Variants in SDR42E2 observed in about 807,000 individuals in gnomAD.
The protein encoded by SDR42E2 is putative short-chain dehydrogenase/reductase family 42E member 2.
Under a neutral mutation model 10.5 loss-of-function variants are expected in SDR42E2, and 20 were observed. That is an observed-to-expected ratio of 1.90 (90% CI 1.34 to 2.77). The LOEUF is 2.77. SDR42E2 is among the 30% of genes most tolerant of loss of function. SDR42E2 has a pLI of 0.00. For missense variants in SDR42E2, 162 were observed against 104.2 expected (o/e 1.55, Z -2.42); for synonymous variants, 72 against 39.2 (o/e 1.84, Z -3.12).
Position 22,191,301 on chromosome 16 carries a change from C to G in SDR42E2, c.*908C>G, listed in dbSNP as rs1012299603. ...GTCTGTCCTTGCTCCTGCCTCTGGA[C>G]CCGGTCCCGCCCTTCTCGCGTGTAA... On this transcript the variant is annotated 3_prime_UTR_variant, in exon 13 of 13. Coordinates refer to ENST00000602312, the MANE Select transcript of SDR42E2 (RefSeq NM_001394319.2). The G allele has an allele frequency of 6.6e-6, 1 of 151,798 alleles. No homozygotes were observed. The highest frequency in any genetic ancestry group is 2.0e-4 in the East Asian group (1 of 5,098). 9.4% of individuals were successfully genotyped at this position (151,798 alleles called of 1,614,324 possible).
At chr16:22,188,352 T>C (rs1159124775) in intron 12 of SDR42E2, among the ~76,000 whole-genome samples, 1 of 152,150 alleles carries the variant, frequency 6.6e-6, no homozygotes, top group East Asian at 1.9e-4. Context: ...GGCTTCTCCT[T>C]TGAGCCATCC....
In SDR42E2 at chr16:22,191,470, G is replaced by C. The variant is rs1412544470; in HGVS notation, c.*1077G>C. 2 of 152,308 alleles carry C rather than the reference G, an allele frequency of 1.3e-5. No individual in the cohort carries two copies. The highest frequency in any genetic ancestry group is 3.9e-4 in the East Asian group (2 of 5,184). The allele number at this position is 152,308 out of a possible 1,614,324, so 9.4% of individuals were successfully genotyped here. A position where few individuals can be genotyped will look rare whatever the true frequency, so the allele number is the denominator to read the frequency against. Reference sequence around the variant, plus strand: ...GACGTTGGTATGAGTTTGCGCCGTCGGCTGCTGCTCTGTCTGGTAACATTG... The same window carrying C: ...GACGTTGGTATGAGTTTGCGCCGTCCGCTGCTGCTCTGTCTGGTAACATTG... On this transcript the variant is annotated 3_prime_UTR_variant, in exon 13 of 13. Coordinates refer to ENST00000602312, the MANE Select transcript of SDR42E2 (RefSeq NM_001394319.2).
intron 8 of SDR42E2, among the ~76,000 whole-genome samples, chr16:22,181,166 T>A (rs77100980): frequency 0.018 from 2,745 of 152,080 alleles, 86 homozygotes; most frequent in African/African-American, 0.062. Flanking sequence ...CTGGACAGAT[T>A]TTAACAGTTG....
intron 7 of SDR42E2, 92 bp downstream of exon 7, chr16:22,172,423 G>A (rs1023614198): frequency 1.0e-5 from 7 of 694,322 alleles, no homozygotes; most frequent in Admixed American, 6.0e-5. Context: ...ACATGTGTCT[G>A]AGGCCCACCT....
Position 22,189,799 on chromosome 16 carries a change from C to T in SDR42E2, c.1015-340C>T, listed in dbSNP as rs536134495. The stretch of plus-strand genomic sequence containing the variant: ...CGGATGCCTAAGAATGTATCAAGGG[C>T]CTCCTGAGTCCCAGCACCGTGCTAG... On this transcript the variant is annotated intron_variant, in intron 12 of 12. Coordinates refer to ENST00000602312, the MANE Select transcript of SDR42E2 (RefSeq NM_001394319.2). 2.0e-4 allele frequency among the ~76,000 whole-genome samples: 30 copies of T among 152,244 alleles called. 1 individual carries two copies. In the South Asian group the frequency reaches 5.4e-3, roughly 27 times the overall value.
intron 10 of SDR42E2, among the ~76,000 whole-genome samples, chr16:22,183,968 G>A (rs1376959701): frequency 6.6e-6 from 1 of 151,710 alleles, no homozygotes; most frequent in Non-Finnish European, 1.5e-5. Flanking sequence ...ACTAACCCAT[G>A]CTTTCAATTC....
At chr16:22,163,152 G>A (rs1358225374) in intron 1 of SDR42E2, among the ~76,000 whole-genome samples, 2 of 152,140 alleles carry the variant, frequency 1.3e-5, no homozygotes, top group African/African-American at 4.8e-5. Flanking sequence ...GCGGTTGTGG[G>A]TACTAAGGTA....
chr16:22,187,739 G>A (rs950688872), intron 12 of SDR42E2, among the ~76,000 whole-genome samples: 2 of 152,110 alleles, frequency 1.3e-5, no homozygotes, highest in Non-Finnish European at 2.9e-5. Flanking sequence ...TTAAAAGAGA[G>A]GATGTTTTCA....
intron 8 of SDR42E2, among the ~76,000 whole-genome samples, chr16:22,179,152 T>G (rs1338400271): frequency 6.6e-6 from 1 of 152,034 alleles, no homozygotes; most frequent in African/African-American, 2.4e-5. Context: ...CATGCCTGAT[T>G]GACTATTTTT....
intron 8 of SDR42E2, among the ~76,000 whole-genome samples, chr16:22,179,706 A>G (rs1288029333): frequency 6.6e-6 from 1 of 150,938 alleles, no homozygotes; most frequent in Admixed American, 6.6e-5. Context: ...CCAGATACGC[A>G]GGAGGCTGAG....
At chr16:22,187,340 G>A (rs1205410386) in intron 12 of SDR42E2, among the ~76,000 whole-genome samples, 1 of 152,156 alleles carries the variant, frequency 6.6e-6, no homozygotes, top group Non-Finnish European at 1.5e-5. Context: ...CTCTTGGCCA[G>A]GTGTGGTGGC....
chr16:22,177,802 G>A (rs551811723), intron 7 of SDR42E2, among the ~76,000 whole-genome samples: 5 of 151,994 alleles, frequency 3.3e-5, no homozygotes, highest in East Asian at 3.9e-4. Flanking sequence ...TAAACAGACC[G>A]GCCGTGCAGA....
At chr16:22,178,995 A>G (rs2046669551) in intron 8 of SDR42E2, among the ~76,000 whole-genome samples, 1 of 151,766 alleles carries the variant, frequency 6.6e-6, no homozygotes, top group Non-Finnish European at 1.5e-5. Context: ...CTGCTTGGCT[A>G]TATGTCTTTT....
intron 7 of SDR42E2, among the ~76,000 whole-genome samples, chr16:22,172,595 C>G (rs1288384725): frequency 1.3e-5 from 2 of 152,328 alleles, no homozygotes; most frequent in African/African-American, 4.8e-5. Flanking sequence ...GAGACTTGAG[C>G]AAACCCAAGT....
intron 7 of SDR42E2, among the ~76,000 whole-genome samples, chr16:22,174,172 A>G (rs1241593161): frequency 1.3e-5 from 2 of 151,794 alleles, no homozygotes; most frequent in Non-Finnish European, 2.9e-5. Flanking sequence ...CTCTACTAAA[A>G]ATACAAAAAA....
intron 7 of SDR42E2, among the ~76,000 whole-genome samples, chr16:22,173,905 G>A (rs7200369): frequency 0.26 from 29,467 of 111,202 alleles, 6,029 homozygotes; most frequent in East Asian, 0.58. Flanking sequence ...ATGTGTGTGT[G>A]TATATATATA....
intron 6 of SDR42E2, among the ~76,000 whole-genome samples, chr16:22,171,800 G>A (rs930839931): frequency 1.3e-5 from 2 of 152,262 alleles, no homozygotes; most frequent in African/African-American, 4.8e-5. Flanking sequence ...TCAAAGTGCT[G>A]GAATTACAGG....
At position 22,167,175 on chromosome 16, in the gene SDR42E2, T is replaced by G. The variant is rs1216357616; in HGVS notation, c.336+176T>G. Among the ~76,000 whole-genome samples, 40 of 102,270 alleles carry G rather than the reference T, an allele frequency of 3.9e-4. 1 individual carries two copies. The highest frequency in any genetic ancestry group is 7.4e-4 in the African/African-American group (21 of 28,226). 67.1% of individuals were successfully genotyped at this position (102,270 alleles called of 152,430 possible). On this transcript the variant is annotated intron_variant, in intron 4 of 12. Transcript: ENST00000602312. ...AATACCAGTTCTGCCATTTTTTTTT[T>G]TTTTTTTTTTTTTTTTTTTTTTTTT...
intron 4 of SDR42E2, among the ~76,000 whole-genome samples, chr16:22,168,134 C>T (rs2046560597): frequency 6.6e-6 from 1 of 152,082 alleles, no homozygotes; most frequent in African/African-American, 2.4e-5. Context: ...GTGGCTCACA[C>T]CTGTAATCCC....
Sources: gnomAD v4.1 joint callset for allele counts (sites outside exome capture counted in the v4.1 genomes callset) on GRCh38, gnomAD v4.1.1 for gene constraint, MANE v1.5 for transcripts, NCBI Gene and HGNC (gene_info 2026-07-23, HGNC 2026-07-21) for gene names.